EML5: variants seen among roughly 807,000 people sequenced by gnomAD.
The protein encoded by EML5 is EMAP like 5, also known as echinoderm microtubule-associated protein-like 5.
EML5 carries 120 observed loss-of-function variants against 250.0 expected under a neutral mutation model. That is an observed-to-expected ratio of 0.48 (90% confidence interval 0.41 to 0.56). EML5 has a LOEUF of 0.56. Among genes scored for constraint, EML5 ranks in the 20% least tolerant of loss-of-function variants. The pLI is 0.00. For missense variants in EML5, 2,006 were observed against 2,437.6 expected (o/e 0.82, Z 3.73); for synonymous variants, 771 against 806.5 (o/e 0.96, Z 0.75).
chr14:88,655,058 T>C (rs896832710), intron 27 of EML5, among the ~76,000 whole-genome samples: 7 of 152,086 alleles, frequency 4.6e-5, no homozygotes, highest in East Asian at 1.9e-4. Context: ...TTGATCTTTG[T>C]TGGTTTAAAG....
At chr14:88,737,360 G>A (rs1319370667) in intron 6 of EML5, among the ~76,000 whole-genome samples, 1 of 152,228 alleles carries the variant, frequency 6.6e-6, no homozygotes, top group Non-Finnish European at 1.5e-5. Flanking sequence ...GCCCAAGGCA[G>A]AAGCAGGTCA....
chr14:88,657,690 GTATT>G (rs1388828307), intron 26 of EML5, among the ~76,000 whole-genome samples, 188 bp from the exon 27 acceptor site: 1 of 152,038 alleles, frequency 6.6e-6, no homozygotes, highest in Non-Finnish European at 1.5e-5. Context: ...TGTTTTCAAA[GTATT>G]ACTAAGTAAT....
intron 35 of EML5, 75 bp from the exon 36 acceptor site, chr14:88,625,202 T>C: frequency 6.6e-7 from 1 of 1,515,952 alleles, no homozygotes; most frequent in Non-Finnish European, 9.0e-7. Context: ...ATTTTCTATG[T>C]ATGTGTAATG....
intron 33 of EML5, chr14:88,628,087 A>T: frequency 2.2e-6 from 1 of 464,064 alleles, no homozygotes; most frequent in South Asian, 2.0e-5. Context: ...TAGACAAGCA[A>T]ATCAGGCAAT....
intron 1 of EML5, among the ~76,000 whole-genome samples, chr14:88,762,879 C>A (rs2094265902): frequency 6.6e-6 from 1 of 152,212 alleles, no homozygotes; most frequent in African/African-American, 2.4e-5. Flanking sequence ...CATACAACTA[C>A]ACGGAAACTG....
At chr14:88,712,517 TATTTC>T (rs1347282376) in intron 9 of EML5, 34 bp from the exon 10 acceptor site, 4 of 1,549,246 alleles carry the variant, frequency 2.6e-6, no homozygotes, top group African/African-American at 2.7e-5. Flanking sequence ...TTTAAAAAGT[TATTTC>T]ATTTGATTTT....
chr14:88,673,550 T>G (rs559462089), intron 21 of EML5, among the ~76,000 whole-genome samples: 1 of 152,258 alleles, frequency 6.6e-6, no homozygotes, highest in Admixed American at 6.5e-5. Context: ...GAGAAAGAAA[T>G]AAAGTGTATT....
At chr14:88,754,483 T>A (rs2140380036) in intron 2 of EML5, 29 bp downstream of exon 2, 1 of 1,556,162 alleles carries the variant, frequency 6.4e-7, no homozygotes, top group Non-Finnish European at 8.6e-7. Context: ...AACATACAAT[T>A]TAGAAAAAAA....
chr14:88,616,025 C>G (rs1354825634), intron 43 of EML5, 117 bp downstream of exon 43: 4 of 1,292,918 alleles, frequency 3.1e-6, no homozygotes, highest in Non-Finnish European at 4.4e-6. Flanking sequence ...TCTGGTTATA[C>G]TACCTTCTAC....
chr14:88,753,631 A>T (rs2094126214), intron 2 of EML5, among the ~76,000 whole-genome samples: 1 of 152,162 alleles, frequency 6.6e-6, no homozygotes, highest in Non-Finnish European at 1.5e-5. Context: ...CAATTTCCAT[A>T]AAAGCACCAC....
Position 88,706,396 on chromosome 14 carries a change from G to A in EML5, c.1688C>T (p.Ser563Leu). The change falls in exon 11 of 44, where the codon TCA becomes TTA. Residue 563 changes from serine to leucine, a missense_variant. By Grantham distance (145) the Ser-to-Leu change is moderately radical (BLOSUM62 -2). Transcript: ENST00000554922. ...GAKFRKYIGH[S>L]AHVTNVRWSH... ...CCATCTGACATTAGTTACGTGAGCTGAATGGCCAATATATTTTCTAAACTT... is the reference window on the plus strand; with the variant it reads ...CCATCTGACATTAGTTACGTGAGCTAAATGGCCAATATATTTTCTAAACTT... The A allele has an allele frequency of 6.3e-7, 1 of 1,595,318 alleles. No individual in the cohort carries two copies. The highest frequency in any genetic ancestry group is 8.5e-7 in the Non-Finnish European group (1 of 1,172,200).
intron 8 of EML5, 23 bp downstream of exon 8, chr14:88,726,518 G>T: frequency 6.4e-7 from 1 of 1,571,022 alleles, no homozygotes; most frequent in Non-Finnish European, 8.6e-7. Context: ...AAATTATTAT[G>T]TGTTTCTACC....
intron 21 of EML5, among the ~76,000 whole-genome samples, chr14:88,677,766 G>A (rs976983427): frequency 6.6e-6 from 1 of 152,182 alleles, no homozygotes; most frequent in African/African-American, 2.4e-5. Context: ...ACACCAGTCA[G>A]AATGGCGATT....
chr14:88,620,759 A>T lies in EML5; in HGVS notation c.5370T>A (p.Asp1790Glu), dbSNP rs993492895. 1.3e-6 allele frequency: 2 copies of T among 1,589,102 alleles called. No individual in the cohort carries two copies. Among genetic ancestry groups the T allele is most frequent in the Non-Finnish European group, 1.7e-6 (2 of 1,171,776 alleles). ...TATTCCATTTGTTCACTAACCTGATATCATGGATTGCACATCTCCTGTCTC... is the reference window on the plus strand; with the variant it reads ...TATTCCATTTGTTCACTAACCTGATTTCATGGATTGCACATCTCCTGTCTC... ...KKRDRRCAIH[D>E]IRFSPDSRYL... is the part of the protein sequence containing the mutation. The change falls in exon 39 of 44, where the codon GAT (aspartate) becomes GAA (glutamate). Residue 1790 changes from aspartate to glutamate, a missense_variant. Asp to Glu is a conservative substitution (Grantham distance 45). This residue lies in a region of EML5 where 405 missense variants were observed against 523.3 expected (regional missense o/e 0.77). Coordinates refer to ENST00000554922, the MANE Select transcript of EML5 (RefSeq NM_183387.3). This position sits in a 1 kb window ranked among gnomAD's most constrained non-coding sequence, Gnocchi z 4.3.
intron 29 of EML5, 119 bp from the exon 30 acceptor site, chr14:88,644,630 T>G: frequency 1.2e-6 from 1 of 801,554 alleles, no homozygotes; most frequent in Non-Finnish European, 2.1e-6. Flanking sequence ...TGACCCATTC[T>G]GTGGTCCACT....
chr14:88,618,610 G>A (rs776174547), intron 40 of EML5, 40 bp downstream of exon 40: 1 of 1,576,610 alleles, frequency 6.3e-7, no homozygotes, highest in Non-Finnish European at 8.6e-7. Context: ...TGTAAAAGCA[G>A]AAGAACTTGC....
chr14:88,772,484 G>A (rs144040142), intron 1 of EML5, among the ~76,000 whole-genome samples: 187 of 152,304 alleles, frequency 1.2e-3, no homozygotes, highest in African/African-American at 4.4e-3. Context: ...TCGGCCGGAC[G>A]AGGTAGCTCA....
At chr14:88,660,440 T>G (rs547071034) in intron 25 of EML5, among the ~76,000 whole-genome samples, 1 of 152,122 alleles carries the variant, frequency 6.6e-6, no homozygotes, top group African/African-American at 2.4e-5. Flanking sequence ...CATAGGTACG[T>G]AGAATGCCAA....
At position 88,658,188 on chromosome 14, in the gene EML5, C is replaced by G. The variant is rs763789687; in HGVS notation, c.3876G>C (p.Gly1292=). The G allele has an allele frequency of 6.2e-7, 1 of 1,613,426 alleles. No individual in the cohort carries two copies. Among genetic ancestry groups the G allele is most frequent in the Non-Finnish European group, 8.5e-7 (1 of 1,179,618 alleles). ...EESDIDSEED[G]GYDSDVTREN... ...TTCAAGTATTATAAAATGACGTACC[C>G]CCATCTTCTTCAGAATCAATGTCGG... The change falls in exon 26 of 44, where the codon GGG becomes GGC. Residue 1292 remains glycine, a splice_region_variant and synonymous_variant. Transcript: ENST00000554922.
Sources: allele counts gnomAD v4.1 joint callset (sites outside exome capture counted in the v4.1 genomes callset), GRCh38; gene constraint gnomAD v4.1.1; regional missense constraint gnomAD v4.1.1; non-coding constraint Gnocchi (gnomAD v3.1); transcripts MANE v1.5; gene names NCBI Gene and HGNC (gene_info 2026-07-23, HGNC 2026-07-21).